ZNF37A: variants seen among roughly 807,000 people sequenced by gnomAD.
The protein encoded by ZNF37A is zinc finger protein 37a (KOX 21).
In ZNF37A, 10 loss-of-function variants were observed where a neutral mutation model predicts 12.3. The ratio of observed to expected loss-of-function variants is 0.82; its 90% CI spans 0.50 to 1.38. The LOEUF is 1.38. Among genes scored for constraint, ZNF37A ranks in the 40% most tolerant of loss-of-function variants. The pLI is 0.00. For missense variants in ZNF37A, 580 were observed against 651.2 expected (o/e 0.89, Z 1.19); for synonymous variants, 207 against 223.0 (o/e 0.93, Z 0.64).
chr10:38,131,426 G>A (rs895924411), intron 7 of ZNF37A, among the ~76,000 whole-genome samples: 13 of 152,152 alleles, frequency 8.5e-5, no homozygotes, highest in South Asian at 2.1e-4. Flanking sequence ...CAGTTTTCCC[G>A]GCACTGTTTT....
chr10:38,144,271 G>C (rs1564389829), intron 7 of ZNF37A: 4 of 151,070 alleles, frequency 2.6e-5, no homozygotes, highest in Admixed American at 2.6e-4. Flanking sequence ...TAGTGTCTGT[G>C]AGAAAGAAAA....
chr10:38,113,792 T>C (rs936640278), intron 5 of ZNF37A, among the ~76,000 whole-genome samples: 1 of 152,204 alleles, frequency 6.6e-6, no homozygotes, highest in African/African-American at 2.4e-5. Flanking sequence ...AACTGAATTA[T>C]GTTACAGAGA....
chr10:38,145,502 T>C (rs2136086855), intron 7 of ZNF37A, among the ~76,000 whole-genome samples: 1 of 152,348 alleles, frequency 6.6e-6, no homozygotes, highest in Admixed American at 6.5e-5. Flanking sequence ...ATGGACCTGT[T>C]ATTATTTTTT....
In ZNF37A at chr10:38,118,538, G is replaced by C. The variant is rs758447564; in HGVS notation, c.1387G>C (p.Gly463Arg). ...CACAGAACATCTGAGAAGACACACA[G>C]GGGAGAAACCTTTTGGATGTAATGA... ...GFTEHLRRHT[G>R]EKPFGCNECG... The change falls in exon 8 of 8, where the codon GGG (glycine) becomes CGG (arginine). Residue 463 changes from glycine to arginine, a missense_variant. Coordinates refer to ENST00000685332, the MANE Select transcript of ZNF37A (RefSeq NM_001324250.3). 63 of 1,613,890 alleles carry C rather than the reference G, an allele frequency of 3.9e-5. No homozygotes were observed. Among genetic ancestry groups the C allele is most frequent in the Non-Finnish European group, 4.7e-5 (56 of 1,179,948 alleles).
intron 5 of ZNF37A, among the ~76,000 whole-genome samples, chr10:38,100,520 A>G (rs899198302): frequency 2.6e-5 from 4 of 152,174 alleles, no homozygotes; most frequent in African/African-American, 9.7e-5. Context: ...TGCTGAGAAA[A>G]TTCAGCGATA....
At chr10:38,141,006 A>G (rs1356884198) in intron 7 of ZNF37A, 1 of 152,234 alleles carries the variant, frequency 6.6e-6, no homozygotes, top group African/African-American at 2.4e-5. Flanking sequence ...AAAGAAAATC[A>G]CCATTAGAAC....
downstream of ZNF37A, among the ~76,000 whole-genome samples, chr10:38,128,847 G>A (rs1331476224): frequency 7.2e-5 from 11 of 152,114 alleles, no homozygotes; most frequent in Admixed American, 1.3e-4. Context: ...TCCCCCTCCC[G>A]GGTTCAAGCG....
At chr10:38,113,374 G>A (rs2068986479) in intron 5 of ZNF37A, among the ~76,000 whole-genome samples, 1 of 151,662 alleles carries the variant, frequency 6.6e-6, no homozygotes, top group Non-Finnish European at 1.5e-5. Context: ...AGTCAGGCAT[G>A]GCTATTCTTT....
chr10:38,145,913 A>G (rs949364522), intron 7 of ZNF37A, among the ~76,000 whole-genome samples: 1 of 152,214 alleles, frequency 6.6e-6, no homozygotes, highest in Admixed American at 6.5e-5. Context: ...AGCCTGGTCA[A>G]CTATGGTGAA....
downstream of ZNF37A, among the ~76,000 whole-genome samples, chr10:38,128,723 G>A (rs71491240): frequency 0.011 from 1,718 of 152,174 alleles, 18 homozygotes; most frequent in Middle Eastern, 0.031. Context: ...CTGAGTTCAC[G>A]TCCAGTGGGC....
intron 5 of ZNF37A, among the ~76,000 whole-genome samples, chr10:38,105,657 C>T (rs933941568): frequency 9.9e-5 from 15 of 152,184 alleles, no homozygotes; most frequent in African/African-American, 2.9e-4. Context: ...AAGGCCATGC[C>T]GCTTCATACT....
intron 5 of ZNF37A, 49 bp downstream of exon 5, chr10:38,096,681 T>A: frequency 6.4e-7 from 1 of 1,570,642 alleles, no homozygotes; most frequent in Non-Finnish European, 8.7e-7. Flanking sequence ...ATTATTGAGG[T>A]TTAAAAAATG....
intron 5 of ZNF37A, among the ~76,000 whole-genome samples, chr10:38,110,324 CA>C (rs1261285274): frequency 6.6e-6 from 1 of 152,106 alleles, no homozygotes; most frequent in Non-Finnish European, 1.5e-5. Flanking sequence ...ACACCTTATA[CA>C]AAAATTAGCT....
chr10:38,138,546 A>G (rs1315162877), intron 7 of ZNF37A: 2 of 152,230 alleles, frequency 1.3e-5, no homozygotes. Flanking sequence ...ATATGCATAC[A>G]TATATGTTTA....
At chr10:38,146,699 C>T (rs1268525356) in intron 7 of ZNF37A, 2 of 398,344 alleles carry the variant, frequency 5.0e-6, no homozygotes, top group Non-Finnish European at 8.9e-6. Flanking sequence ...TCCAGGCCTA[C>T]ATGCACAGAG....
At chr10:38,130,376 T>G (rs542691627), downstream of ZNF37A, among the ~76,000 whole-genome samples, 2 of 152,290 alleles carry the variant, frequency 1.3e-5, no homozygotes, top group South Asian at 4.1e-4. Context: ...ATTTTCAGGT[T>G]TTTGGATGTA....
chr10:38,114,832 C>G lies in ZNF37A; in HGVS notation c.93C>G (p.Thr31=). ...EWQHLDPAQR[T]LYRDVMLENY... ...AGCATCTGGACCCTGCTCAGAGGAC[C>G]CTGTACAGGGATGTGATGCTGGAGA... The change falls in exon 6 of 8, where the codon ACC becomes ACG. Residue 31 remains threonine, a synonymous_variant. Coordinates refer to ENST00000685332, the MANE Select transcript of ZNF37A (RefSeq NM_001324250.3). 1 of 1,613,902 alleles carries G rather than the reference C, an allele frequency of 6.2e-7. No individual in the cohort carries two copies. Among genetic ancestry groups the G allele is most frequent in the South Asian group, 1.1e-5 (1 of 91,070 alleles).
exon 8 of ZNF37A, chr10:38,148,810 T>G (rs1016091191): frequency 2.6e-5 from 4 of 151,718 alleles, no homozygotes; most frequent in African/African-American, 9.7e-5. Context: ...TTCTGGGACT[T>G]TGCAATTTTT....
At chr10:38,113,391 T>G (rs1369799933) in intron 5 of ZNF37A, among the ~76,000 whole-genome samples, 2 of 151,904 alleles carry the variant, frequency 1.3e-5, no homozygotes, top group Admixed American at 6.6e-5. Context: ...CTTTGTCTTT[T>G]TAGTAAAGAT....
Sources: gnomAD v4.1 joint callset for allele counts (sites outside exome capture counted in the v4.1 genomes callset) on GRCh38, gnomAD v4.1.1 for gene constraint, MANE v1.5 for transcripts, NCBI Gene and HGNC (gene_info 2026-07-23, HGNC 2026-07-21) for gene names.